ULK4: variants seen among roughly 807,000 people sequenced by gnomAD.
The protein encoded by ULK4 is unc-51 like kinase 4, also known as inactive serine/threonine-protein kinase ULK4.
ULK4 carries 133 observed loss-of-function variants against 160.6 expected under a neutral mutation model. That is an observed-to-expected ratio of 0.83 (90% confidence interval 0.72 to 0.96). The LOEUF is 0.96. ULK4 is among the 40% of genes least tolerant of loss of function. The probability of loss-of-function intolerance (pLI) is 0.00; values close to 1 mark genes in which losing one functional copy is unlikely to be tolerated. For missense variants in ULK4, 1,580 were observed against 1,499.5 expected (o/e 1.05, Z -0.89); for synonymous variants, 534 against 539.8 (o/e 0.99, Z 0.15).
At chr3:41,611,578 A>T (rs952832157) in intron 31 of ULK4, among the ~76,000 whole-genome samples, 2 of 151,946 alleles carry the variant, frequency 1.3e-5, no homozygotes, top group African/African-American at 4.8e-5. Context: ...ACTTGCAGAA[A>T]CTCCCAGAAT....
At chr3:41,767,029 A>G (rs1008038256) in intron 21 of ULK4, 7 of 152,182 alleles carry the variant, frequency 4.6e-5, no homozygotes, top group African/African-American at 7.2e-5. Flanking sequence ...TCACTTCCAC[A>G]TTTATGTTGT....
At chr3:41,445,744 C>T (rs1404924065) in intron 34 of ULK4, among the ~76,000 whole-genome samples, 1 of 152,028 alleles carries the variant, frequency 6.6e-6, no homozygotes, top group Non-Finnish European at 1.5e-5. Context: ...TAAAGACTTA[C>T]ATGTTAGACC....
chr3:41,689,260 T>C (rs150349287), intron 27 of ULK4, among the ~76,000 whole-genome samples: 26 of 152,354 alleles, frequency 1.7e-4, no homozygotes, highest in African/African-American at 6.0e-4. Flanking sequence ...TTGGTCTTTG[T>C]TGATTTCTAC....
At chr3:41,798,043 C>T (rs565285901) in intron 20 of ULK4, among the ~76,000 whole-genome samples, 1 of 151,876 alleles carries the variant, frequency 6.6e-6, no homozygotes, top group East Asian at 1.9e-4. Context: ...GGCAAAATTT[C>T]AATGTAAAAT....
chr3:41,496,270 G>A (rs368654083), intron 32 of ULK4, among the ~76,000 whole-genome samples: 20 of 152,026 alleles, frequency 1.3e-4, no homozygotes, highest in African/African-American at 4.1e-4. Flanking sequence ...GGAAGACTGC[G>A]ATATACAACG....
chr3:41,363,149 C>T (rs1399126512), intron 35 of ULK4, among the ~76,000 whole-genome samples: 3 of 152,220 alleles, frequency 2.0e-5, no homozygotes, highest in African/African-American at 7.2e-5. Context: ...AGTGGCCATG[C>T]AATTAAGCCT....
At chr3:41,559,739 ATTTG>A (rs2087488079) in intron 32 of ULK4, among the ~76,000 whole-genome samples, 4 of 152,138 alleles carry the variant, frequency 2.6e-5, no homozygotes, top group African/African-American at 4.8e-5. Flanking sequence ...TTTCTTGTAA[ATTTG>A]TTTAAGTTCT....
At chr3:41,462,930 T>G (rs1442598987) in intron 33 of ULK4, among the ~76,000 whole-genome samples, 157 bp downstream of exon 33, 1 of 152,136 alleles carries the variant, frequency 6.6e-6, no homozygotes, top group Non-Finnish European at 1.5e-5. Context: ...TTGACATTGG[T>G]CACCCAAAGA....
chr3:41,593,525 C>T (rs900695168), intron 31 of ULK4, among the ~76,000 whole-genome samples: 1 of 152,112 alleles, frequency 6.6e-6, no homozygotes, highest in Non-Finnish European at 1.5e-5. Flanking sequence ...GCTGGAACCA[C>T]ACAAAGAGAT....
intron 35 of ULK4, among the ~76,000 whole-genome samples, chr3:41,316,357 A>AC (rs1296513549): frequency 2.6e-5 from 4 of 152,130 alleles, no homozygotes; most frequent in Non-Finnish European, 1.5e-5. Flanking sequence ...TACACTAAAA[A>AC]CCATTGAGTT....
intron 35 of ULK4, among the ~76,000 whole-genome samples, chr3:41,306,624 C>G (rs1435471641): frequency 1.3e-5 from 2 of 151,902 alleles, no homozygotes; most frequent in Non-Finnish European, 2.9e-5. Context: ...CTCTGCCCGG[C>G]CACCACCCCG....
chr3:41,843,113 T>C (rs1355478979), intron 17 of ULK4, among the ~76,000 whole-genome samples: 2 of 152,148 alleles, frequency 1.3e-5, no homozygotes, highest in Non-Finnish European at 2.9e-5. Flanking sequence ...CAGGATCTAG[T>C]ACTAGGTTAA....
chr3:41,439,583 C>T (rs895850686), intron 34 of ULK4, among the ~76,000 whole-genome samples: 2 of 152,120 alleles, frequency 1.3e-5, no homozygotes, highest in Non-Finnish European at 1.5e-5. Flanking sequence ...ATAACCATCA[C>T]CATTATAATT....
At chr3:41,825,355 A>G (rs898625111) in intron 18 of ULK4, among the ~76,000 whole-genome samples, 2 of 152,218 alleles carry the variant, frequency 1.3e-5, no homozygotes, top group African/African-American at 2.4e-5. Context: ...CAGATGATCA[A>G]ACTACTCTAA....
At chr3:41,527,110 T>G (rs1239099847) in intron 32 of ULK4, among the ~76,000 whole-genome samples, 1 of 152,238 alleles carries the variant, frequency 6.6e-6, no homozygotes, top group Non-Finnish European at 1.5e-5. Flanking sequence ...TCTATTTTTA[T>G]CGACAAGGAA....
At chr3:41,511,558 G>A (rs1164520219) in intron 32 of ULK4, among the ~76,000 whole-genome samples, 2 of 152,014 alleles carry the variant, frequency 1.3e-5, no homozygotes, top group Non-Finnish European at 2.9e-5. Context: ...ATAAATTCCT[G>A]GAAATATAAA....
intron 35 of ULK4, among the ~76,000 whole-genome samples, chr3:41,326,145 C>G (rs561822606): frequency 6.5e-4 from 99 of 152,188 alleles, no homozygotes; most frequent in East Asian, 3.7e-3. Context: ...CAGGGGGGGG[C>G]TCCCCAAGAA....
At position 41,251,934 on chromosome 3, in the gene ULK4, AC is replaced by A. The variant is rs1227141843; in HGVS notation, c.3679-2361del. Among the ~76,000 whole-genome samples the A allele has an allele frequency of 2.0e-5, 3 of 152,126 alleles. No homozygotes were observed. In the East Asian group the frequency reaches 5.8e-4, roughly 29 times the overall value. ...AAACTGTTTATGAACTCTTGGCCTCACCCCCAACCTGTGTATGCATGGAACC... is the reference window on the plus strand; with the variant it reads ...AAACTGTTTATGAACTCTTGGCCTCACCCCAACCTGTGTATGCATGGAACC... On this transcript the variant is annotated intron_variant, in intron 35 of 36. Transcript: ENST00000301831.
At chr3:41,285,225 A>G (rs2079434664) in intron 35 of ULK4, among the ~76,000 whole-genome samples, 1 of 152,340 alleles carries the variant, frequency 6.6e-6, no homozygotes, top group East Asian at 1.9e-4. Context: ...TGATCCAGCA[A>G]TCCCACTACT....
Sources: allele counts gnomAD v4.1 joint callset (sites outside exome capture counted in the v4.1 genomes callset), GRCh38; gene constraint gnomAD v4.1.1; transcripts MANE v1.5; gene names NCBI Gene and HGNC (gene_info 2026-07-23, HGNC 2026-07-21).